The following KRT32 variants were observed in gnomAD, a reference collection of about 807,000 sequenced individuals.
KRT32 encodes keratin 32.
In KRT32, 44 loss-of-function variants were observed where a neutral mutation model predicts 41.8. The observed-to-expected ratio is 1.05, with a 90% CI of 0.83 to 1.35. The LOEUF (loss-of-function observed/expected upper bound fraction) is 1.35. KRT32 is among the 40% of genes most tolerant of loss of function. KRT32 has a pLI of 0.00. For missense variants in KRT32, 576 were observed against 584.6 expected (o/e 0.99, Z 0.15); for synonymous variants, 238 against 242.5 (o/e 0.98, Z 0.17).
chr17:41,464,264 C>A lies in KRT32; in HGVS notation c.870+18G>T, dbSNP rs2019041658. The A allele has an allele frequency of 6.3e-7, 1 of 1,586,432 alleles. No homozygotes were observed. The highest frequency in any genetic ancestry group is 1.2e-5 in the South Asian group (1 of 86,640). ...CCTAGGGATATGGAGGAGGCCATCC[C>A]CACCGTGAGAGGCCCACCTGCATAT... On this transcript the variant is annotated intron_variant, in intron 4 of 6. Coordinates refer to ENST00000225899, the MANE Select transcript of KRT32 (RefSeq NM_002278.3).
intron 6 of KRT32, among the ~76,000 whole-genome samples, chr17:41,461,740 C>T (rs543397535): frequency 5.9e-5 from 9 of 152,350 alleles, no homozygotes; most frequent in Non-Finnish European, 1.3e-4. Flanking sequence ...TGGCCTGGTC[C>T]TTGCAAATGT....
intron 3 of KRT32, among the ~76,000 whole-genome samples, 181 bp downstream of exon 3, chr17:41,465,592 G>A (rs943742605): frequency 2.0e-5 from 3 of 152,146 alleles, no homozygotes; most frequent in East Asian, 1.9e-4. Context: ...ATAACCCTGC[G>A]TGATCATGTT....
At position 41,464,959 on chromosome 17, in the gene KRT32, G is replaced by A. The variant is rs34503742; in HGVS notation, c.709-516C>T. 3.7e-3 allele frequency among the ~76,000 whole-genome samples: 561 copies of A among 152,310 alleles called. 2 individuals carry two copies. Among genetic ancestry groups the A allele is most frequent in the African/African-American group, 0.013 (539 of 41,576 alleles). ...TTTGAGCAAGATGAGTCAGGAGCCC[G>A]AGGGTGCTCGGTGAGTACGTGGTGA... On this transcript the variant is annotated intron_variant, in intron 3 of 6. Transcript: ENST00000225899.
At position 41,464,169 on chromosome 17, in the gene KRT32, G is replaced by C; in HGVS notation, c.905C>G (p.Ser302Cys). Residue 302 changes from serine to cysteine, a missense_variant, in exon 5 of 7, where the codon TCT (serine) becomes TGT (cysteine). By Grantham distance (112) the Ser-to-Cys change is moderately radical. Transcript: ENST00000225899. ...TGACTGGTAGTTCTGAAGCTGCTCA[G>C]AGCTTGTGGCCACCTGTTGGTTAAG... ...EELNQQVATS[S>C]EQLQNYQSDI... 1 of 1,612,312 alleles carries C rather than the reference G, an allele frequency of 6.2e-7. No individual in the cohort carries two copies.
chr17:41,462,834 A>T lies in KRT32; in HGVS notation c.1213T>A (p.Cys405Ser). The change falls in exon 6 of 7, where the codon TGC becomes AGC. Residue 405 changes from cysteine to serine, a missense_variant. Transcript: ENST00000225899. ...TYRSLLENED[C>S]KLPCNPCSTP... Reference sequence around the variant, plus strand: ...GCCTCAGCTGGGCCTGCGTACTTGCAGTCCTCGTTCTCCAGCAGGCTCCGG... The same window carrying T: ...GCCTCAGCTGGGCCTGCGTACTTGCTGTCCTCGTTCTCCAGCAGGCTCCGG... 1 of 1,613,144 alleles carries T rather than the reference A, an allele frequency of 6.2e-7. No individual in the cohort carries two copies. Among genetic ancestry groups the T allele is most frequent in the South Asian group, 1.1e-5 (1 of 91,020 alleles).
chr17:41,464,454 A>G lies in KRT32; in HGVS notation c.709-11T>C, dbSNP rs1340009685. On this transcript the variant is annotated splice_polypyrimidine_tract_variant and intron_variant, in intron 3 of 6. Transcript: ENST00000225899. ...AAGGGAACCGACTTCCTGAAAAGGCACAAGACCTCCAGAAAAATGTGACAA... is the reference window on the plus strand; with the variant it reads ...AAGGGAACCGACTTCCTGAAAAGGCGCAAGACCTCCAGAAAAATGTGACAA... 13 of 1,533,466 alleles carry G rather than the reference A, an allele frequency of 8.5e-6. No homozygotes were observed. Among genetic ancestry groups the G allele is most frequent in the Non-Finnish European group, 1.1e-5 (13 of 1,141,012 alleles). 95.0% of individuals were successfully genotyped at this position (1,533,466 alleles called of 1,614,324 possible).
At chr17:41,460,309 C>G in intron 6 of KRT32, 70 bp from the exon 7 acceptor site, 1 of 1,527,464 alleles carries the variant, frequency 6.5e-7, no homozygotes. Flanking sequence ...CCTGCCAATT[C>G]TCCCCTCGGA....
intron 6 of KRT32, among the ~76,000 whole-genome samples, chr17:41,460,799 A>G (rs2018994666): frequency 1.3e-5 from 2 of 152,182 alleles, no homozygotes; most frequent in Non-Finnish European, 2.9e-5. Context: ...AACCACCACC[A>G]TGGCACATGT....
At chr17:41,465,673 G>T in intron 3 of KRT32, 100 bp downstream of exon 3, 1 of 1,236,344 alleles carries the variant, frequency 8.1e-7, no homozygotes, top group Non-Finnish European at 1.1e-6. Context: ...AACAACATGT[G>T]GCAGGCTTGG....
intron 3 of KRT32, among the ~76,000 whole-genome samples, chr17:41,464,734 T>G (rs1157356271): frequency 6.6e-6 from 1 of 152,196 alleles, no homozygotes; most frequent in African/African-American, 2.4e-5. Context: ...CCGGTACCCC[T>G]AGTATTCCCA....
At chr17:41,461,221 C>T (rs760976786) in intron 6 of KRT32, among the ~76,000 whole-genome samples, 11 of 152,188 alleles carry the variant, frequency 7.2e-5, no homozygotes, top group East Asian at 1.9e-4. Flanking sequence ...TCTGTCTCCC[C>T]GGCCAAGCAG....
intron 5 of KRT32, 67 bp from the exon 6 acceptor site, chr17:41,463,117 C>G (rs2019024137): frequency 6.9e-7 from 1 of 1,441,940 alleles, no homozygotes; most frequent in South Asian, 1.3e-5. Flanking sequence ...CAGAAAGAAC[C>G]AAGAAGAGCC....
In KRT32 at chr17:41,467,259, A is replaced by C. The variant is rs565973783; in HGVS notation, c.67T>G (p.Ser23Ala). 1.9e-6 allele frequency: 3 copies of C among 1,613,708 alleles called. No homozygotes were observed. The highest frequency in any genetic ancestry group is 4.5e-5 in the East Asian group (2 of 44,882). ...ASLKSCPRPASVCSSGVNCRP... is the reference protein window; with the variant it reads ...ASLKSCPRPAAVCSSGVNCRP... Reference sequence around the variant, plus strand: ...CAGTTCACGCCGCTGGAACAGACCGAGGCAGGCCGGGGGCAGCTCTTGAGA... The same window carrying C: ...CAGTTCACGCCGCTGGAACAGACCGCGGCAGGCCGGGGGCAGCTCTTGAGA... Residue 23 changes from serine to alanine, a missense_variant, in exon 1 of 7, where the codon TCG (serine) becomes GCG (alanine). Ser to Ala is a moderately conservative substitution (Grantham distance 99). Transcript: ENST00000225899.
intron 6 of KRT32, among the ~76,000 whole-genome samples, chr17:41,461,791 T>C (rs896987224): frequency 1.6e-4 from 25 of 152,250 alleles, no homozygotes; most frequent in Admixed American, 8.5e-4. Flanking sequence ...TTCTGAATGA[T>C]GGAGAAGCAA....
Position 41,464,141 on chromosome 17 carries a change from G to A in KRT32, c.933C>T (p.Asp311=). The A allele has an allele frequency of 3.7e-6, 6 of 1,613,308 alleles. No individual in the cohort carries two copies. Among genetic ancestry groups the A allele is most frequent in the Non-Finnish European group, 4.2e-6 (5 of 1,179,486 alleles). ...TGACCGTGCGTCTCAGGTCAATGAT[G>A]TCTGACTGGTAGTTCTGAAGCTGCT... ...SSEQLQNYQS[D]IIDLRRTVNT... The change falls in exon 5 of 7, where the codon GAC becomes GAT. Residue 311 remains aspartate (D), a synonymous_variant. Coordinates refer to ENST00000225899, the MANE Select transcript of KRT32 (RefSeq NM_002278.3).
In KRT32 at chr17:41,465,832, C is replaced by G. The variant is rs778272970; in HGVS notation, c.649G>C (p.Glu217Gln). The part of the protein sequence containing the change: ...DDLTLCKADL[E>Q]AQVESLKEEL... ...TCCTTCAGGGACTCAACCTGGGCCT[C>G]CAGGTCAGCCTTGCACAGAGTGAGA... Residue 217 changes from glutamate to glutamine, a missense_variant, in exon 3 of 7, where the codon GAG becomes CAG. Glu to Gln is a conservative substitution (Grantham distance 29). Transcript: ENST00000225899. The G allele has an allele frequency of 1.2e-6, 2 of 1,613,876 alleles. No individual in the cohort carries two copies. The highest frequency in any genetic ancestry group is 1.7e-6 in the Non-Finnish European group (2 of 1,179,840).
At chr17:41,465,706 A>G in intron 3 of KRT32, 67 bp downstream of exon 3, 1 of 1,535,224 alleles carries the variant, frequency 6.5e-7, no homozygotes, top group Non-Finnish European at 8.9e-7. Context: ...ACGCCTATCC[A>G]ACCCCATACC....
chr17:41,462,595 T>C (rs2019013074), intron 6 of KRT32, among the ~76,000 whole-genome samples: 1 of 152,198 alleles, frequency 6.6e-6, no homozygotes. Flanking sequence ...TGGTGGGCAC[T>C]TAGAAGGAGC....
Position 41,463,057 on chromosome 17 carries a change from C to T in KRT32, c.997-7G>A. The T allele has an allele frequency of 6.2e-7, 1 of 1,605,986 alleles. No homozygotes were observed. The highest frequency in any genetic ancestry group is 8.5e-7 in the Non-Finnish European group (1 of 1,174,276). ...TGTTTTCCAGGGAGTCCCTCTAAGG[C>T]AAAGGAAGACATAACCATGAGGAAG... is the stretch of plus-strand genomic sequence containing the variant. On this transcript the variant is annotated splice_region_variant and splice_polypyrimidine_tract_variant and intron_variant, in intron 5 of 6. Transcript: ENST00000225899.
Sources: gnomAD v4.1 joint callset for allele counts (sites outside exome capture counted in the v4.1 genomes callset) on GRCh38, gnomAD v4.1.1 for gene constraint, MANE v1.5 for transcripts, NCBI Gene and HGNC (gene_info 2026-07-23, HGNC 2026-07-21) for gene names.